Variants in RAD50 observed in about 807,000 individuals in gnomAD.
RAD50 encodes the protein RAD50 double strand break repair protein, also known as DNA repair protein RAD50.
RAD50 carries 132 observed loss-of-function variants against 168.8 expected under a neutral mutation model. The ratio of observed to expected loss-of-function variants is 0.78; its 90% CI spans 0.68 to 0.90. The LOEUF (loss-of-function observed/expected upper bound fraction) is 0.90, where lower values mean the gene tolerates loss of function less well. Ranked by LOEUF, RAD50 falls within the 40% of genes least tolerant of loss-of-function variation. The probability of loss-of-function intolerance (pLI) is 0.00; values close to 1 mark genes in which losing one functional copy is unlikely to be tolerated. For synonymous variants in RAD50, 525 were observed against 497.4 expected (o/e 1.06, Z -0.74); for missense variants, 1,347 against 1,534.4 (o/e 0.88, Z 2.04).
intron 2 of RAD50, among the ~76,000 whole-genome samples, chr5:132,560,311 A>G (rs1750102613): frequency 6.6e-6 from 1 of 152,256 alleles, no homozygotes; most frequent in Middle Eastern, 3.4e-3. Flanking sequence ...TTGAGTTTAT[A>G]TCCTGTAGTT....
At chr5:132,604,536 G>T (rs184923090) in intron 15 of RAD50, among the ~76,000 whole-genome samples, 3 of 152,148 alleles carry the variant, frequency 2.0e-5, no homozygotes, top group Admixed American at 2.0e-4. Context: ...CAAAGTGCTG[G>T]GATTACAAGT....
chr5:132,612,471 C>T (rs544667671), intron 19 of RAD50, among the ~76,000 whole-genome samples: 1 of 152,080 alleles, frequency 6.6e-6, no homozygotes, highest in Non-Finnish European at 1.5e-5. Context: ...AAATTGTACA[C>T]GTTTAAACAG....
At chr5:132,564,297 T>C (rs1285719915) in intron 2 of RAD50, among the ~76,000 whole-genome samples, 2 of 152,152 alleles carry the variant, frequency 1.3e-5, no homozygotes, top group South Asian at 2.1e-4. Context: ...ATATGAATAA[T>C]GAAGTCTAGG....
chr5:132,607,284 CT>C (rs1751001400), intron 16 of RAD50, among the ~76,000 whole-genome samples: 1 of 152,104 alleles, frequency 6.6e-6, no homozygotes, highest in South Asian at 2.1e-4. Flanking sequence ...TCTGCAGATC[CT>C]TTATCTATGG....
At chr5:132,577,703 C>A (rs1023732404) in intron 3 of RAD50, among the ~76,000 whole-genome samples, 1 of 151,880 alleles carries the variant, frequency 6.6e-6, no homozygotes, top group African/African-American at 2.4e-5. Context: ...ATTGCTCAAA[C>A]TACTCTGTGT....
rs1194443419 is a variant in RAD50, at chr5:132,643,771, C to G, written c.*1407C>G. The G allele has an allele frequency of 1.3e-5, 3 of 228,174 alleles. No individual in the cohort carries two copies. Among genetic ancestry groups the G allele is most frequent in the Non-Finnish European group, 1.7e-5 (2 of 115,118 alleles). 14.1% of individuals were successfully genotyped at this position (228,174 alleles called of 1,614,324 possible). On this transcript the variant is annotated 3_prime_UTR_variant, in exon 25 of 25. Transcript: ENST00000378823. Reference sequence around the variant, plus strand: ...ATCACGAGTAAGATTAAGAGCAAATCAATTCTAGTCATATATTAAACATCC... The same window carrying G: ...ATCACGAGTAAGATTAAGAGCAAATGAATTCTAGTCATATATTAAACATCC...
At chr5:132,634,080 A>C (rs1486929791) in intron 21 of RAD50, among the ~76,000 whole-genome samples, 1 of 152,104 alleles carries the variant, frequency 6.6e-6, no homozygotes, top group Non-Finnish European at 1.5e-5. Flanking sequence ...CTTTAGAGTC[A>C]GCTTATGGAT....
In RAD50 at chr5:132,642,607, C is replaced by G; in HGVS notation, c.*243C>G. ...TTCCAGGCAGCCTCTGTCAGGCCTT[C>G]AGGGTTCAGCAGTACAGCCGAGACT... On this transcript the variant is annotated 3_prime_UTR_variant, in exon 25 of 25. Coordinates refer to ENST00000378823, the MANE Select transcript of RAD50 (RefSeq NM_005732.4). 1.8e-6 allele frequency: 1 copy of G among 551,986 alleles called. No individual in the cohort carries two copies. Among genetic ancestry groups the G allele is most frequent in the Non-Finnish European group, 3.2e-6 (1 of 310,470 alleles). The allele number at this position is 551,986 out of a possible 1,614,324, so 34.2% of individuals were successfully genotyped here.
At chr5:132,559,586 G>A (rs555228699) in intron 2 of RAD50, among the ~76,000 whole-genome samples, 1 of 151,814 alleles carries the variant, frequency 6.6e-6, no homozygotes, top group South Asian at 2.1e-4. Flanking sequence ...TTGTATTCTG[G>A]GTTTTTTTCC....
At chr5:132,637,357 G>A (rs1751605334) in intron 22 of RAD50, among the ~76,000 whole-genome samples, 157 bp downstream of exon 22, 1 of 152,020 alleles carries the variant, frequency 6.6e-6, no homozygotes, top group Non-Finnish European at 1.5e-5. Context: ...ACATCTTGTA[G>A]CAAGAAAATG....
chr5:132,632,731 A>G (rs1751499058), intron 21 of RAD50, among the ~76,000 whole-genome samples: 1 of 152,232 alleles, frequency 6.6e-6, no homozygotes, highest in Admixed American at 6.5e-5. Flanking sequence ...GATGTTATGT[A>G]TATTTTTTAG....
At chr5:132,640,943 TTGGTGCCAGGCCC>T (rs1561661198) in intron 24 of RAD50, 138 bp downstream of exon 24, 135 of 1,436,736 alleles carry the variant, frequency 9.4e-5, no homozygotes, top group Non-Finnish European at 9.7e-7. Flanking sequence ...GGGAAGCCAG[TTGGTGCCAGGCCC>T]TGGGCTTTAC....
chr5:132,617,006 G>C (rs1751188551), intron 20 of RAD50, among the ~76,000 whole-genome samples: 2 of 152,126 alleles, frequency 1.3e-5, no homozygotes, highest in Non-Finnish European at 2.9e-5. Flanking sequence ...AGGGAAATCA[G>C]ATTTTTAACT....
intron 9 of RAD50, 71 bp from the exon 10 acceptor site, chr5:132,591,153 A>G: frequency 6.9e-7 from 1 of 1,443,846 alleles, no homozygotes; most frequent in Non-Finnish European, 9.7e-7. Flanking sequence ...AATTTCTAAT[A>G]CACTTTGTCA....
chr5:132,568,502 A>T (rs111325768), intron 2 of RAD50, among the ~76,000 whole-genome samples: 3,059 of 152,334 alleles, frequency 0.02, 89 homozygotes, highest in African/African-American at 0.065. Flanking sequence ...AAGAAGCTGA[A>T]TGCATCACAA....
chr5:132,606,979 A>G (rs1254099546), intron 16 of RAD50, among the ~76,000 whole-genome samples: 1 of 152,248 alleles, frequency 6.6e-6, no homozygotes, highest in African/African-American at 2.4e-5. Flanking sequence ...TCAAAATAAT[A>G]CGAGCTATTT....
chr5:132,568,228 G>A (rs572281084), intron 2 of RAD50, among the ~76,000 whole-genome samples: 1 of 151,942 alleles, frequency 6.6e-6, no homozygotes, highest in Non-Finnish European at 1.5e-5. Flanking sequence ...CCACGACCAT[G>A]CCCGGCTGAT....
At chr5:132,577,837 G>A (rs1275667417) in intron 3 of RAD50, among the ~76,000 whole-genome samples, 2 of 123,540 alleles carry the variant, frequency 1.6e-5, no homozygotes, top group Non-Finnish European at 3.2e-5. Context: ...TTGAGATGGA[G>A]TCTTGCTCTG....
At chr5:132,582,337 C>T (rs1368602770) in intron 5 of RAD50, among the ~76,000 whole-genome samples, 2 of 152,308 alleles carry the variant, frequency 1.3e-5, no homozygotes, top group African/African-American at 2.4e-5. Flanking sequence ...ATCCTCAGAG[C>T]CTAGCCTAGT....
Sources: allele counts gnomAD v4.1 joint callset (sites outside exome capture counted in the v4.1 genomes callset), GRCh38; gene constraint gnomAD v4.1.1; transcripts MANE v1.5; gene names NCBI Gene and HGNC (gene_info 2026-07-23, HGNC 2026-07-21).